Variants in LAMA2 observed in about 807,000 individuals in gnomAD.
LAMA2 encodes laminin subunit alpha 2, also known as laminin subunit alpha-2.
In LAMA2, 269 loss-of-function variants were observed where a neutral mutation model predicts 364.8. The observed-to-expected ratio is 0.74, with a 90% confidence interval of 0.67 to 0.82. The LOEUF is 0.82. Among genes scored for constraint, LAMA2 ranks in the 40% least tolerant of loss-of-function variants. The probability of loss-of-function intolerance (pLI) is 0.00; values close to 1 mark genes in which losing one functional copy is unlikely to be tolerated. For missense variants in LAMA2, 3,807 were observed against 3,873.2 expected (o/e 0.98, Z 0.45); for synonymous variants, 1,379 against 1,370.6 (o/e 1.01, Z -0.14).
chr6:129,344,172 G>A (rs966245471), intron 30 of LAMA2, among the ~76,000 whole-genome samples: 9 of 152,140 alleles, frequency 5.9e-5, no homozygotes, highest in African/African-American at 2.2e-4. Context: ...TCATAGAATT[G>A]AGTATAATGA....
chr6:129,304,125 A>T (rs189999511), intron 22 of LAMA2, among the ~76,000 whole-genome samples: 1 of 152,334 alleles, frequency 6.6e-6, no homozygotes, highest in Non-Finnish European at 1.5e-5. Flanking sequence ...ATCACTATAG[A>T]TCCTATAGAC....
chr6:129,399,612 T>C (rs7356972), intron 37 of LAMA2, among the ~76,000 whole-genome samples: 16,341 of 152,124 alleles, frequency 0.11, 1,320 homozygotes, highest in African/African-American at 0.22. Flanking sequence ...TAGAGAATGA[T>C]TGAGACAAGG....
intron 61 of LAMA2, among the ~76,000 whole-genome samples, chr6:129,506,970 A>C (rs1583926681): frequency 6.6e-6 from 1 of 152,132 alleles, no homozygotes; most frequent in Non-Finnish European, 1.5e-5. Context: ...CCAATGTTTC[A>C]TGCAAACTTT....
In LAMA2 at chr6:129,366,369, G is replaced by A. The variant is rs1777777594; in HGVS notation, c.4860+8G>A. The A allele has an allele frequency of 6.2e-7, 1 of 1,612,964 alleles. No individual in the cohort carries two copies. The highest frequency in any genetic ancestry group is 1.7e-5 in the Admixed American group (1 of 59,908). ...ATGACTCAGGAGCTAAAGGTAGGTTGGTGCAGTCACAAGCAAGGGCCAGGG... is the reference window on the plus strand; with the variant it reads ...ATGACTCAGGAGCTAAAGGTAGGTTAGTGCAGTCACAAGCAAGGGCCAGGG... On this transcript the variant is annotated splice_region_variant and intron_variant, in intron 33 of 64. Transcript: ENST00000421865.
chr6:128,983,371 G>A lies in LAMA2; in HGVS notation c.113-66547G>A, dbSNP rs529312554. Among the ~76,000 whole-genome samples, 177 of 152,266 alleles carry A rather than the reference G, an allele frequency of 1.2e-3. 1 individual carries two copies. The highest frequency in any genetic ancestry group is 4.0e-3 in the African/African-American group (168 of 41,532). On this transcript the variant is annotated intron_variant, in intron 1 of 64. Transcript: ENST00000421865. ...CATTTCTCTGATGGCCAGTGATGGT[G>A]AGCATTTTTTCATGTGTTTTTTGGC...
chr6:129,201,438 C>T (rs1411475563), intron 12 of LAMA2, among the ~76,000 whole-genome samples: 1 of 152,094 alleles, frequency 6.6e-6, no homozygotes, highest in Admixed American at 6.5e-5. Context: ...CTACCTAAGG[C>T]TAATGAAAGA....
At chr6:129,472,499 A>G (rs981362217) in intron 51 of LAMA2, among the ~76,000 whole-genome samples, 1 of 151,978 alleles carries the variant, frequency 6.6e-6, no homozygotes, top group Non-Finnish European at 1.5e-5. Context: ...TCTGCTTTCT[A>G]AACAATGCAG....
chr6:129,514,859 T>A (rs1036376181), intron 64 of LAMA2, among the ~76,000 whole-genome samples: 1 of 152,178 alleles, frequency 6.6e-6, no homozygotes, highest in Non-Finnish European at 1.5e-5. Flanking sequence ...GGAAATGAAT[T>A]TGGCTTATAA....
intron 1 of LAMA2, among the ~76,000 whole-genome samples, chr6:128,959,611 ACT>A (rs1781357104): frequency 6.6e-6 from 1 of 151,966 alleles, no homozygotes; most frequent in Non-Finnish European, 1.5e-5. Flanking sequence ...CTTCTGGCTA[ACT>A]CTCTTTTCTT....
intron 1 of LAMA2, among the ~76,000 whole-genome samples, chr6:128,976,651 A>C (rs1028376074): frequency 3.9e-5 from 6 of 152,230 alleles, no homozygotes; most frequent in Non-Finnish European, 7.3e-5. Flanking sequence ...GTGGTATGTC[A>C]CTAATGAAAG....
In LAMA2 at chr6:129,252,148, C is replaced by G. The variant is rs1786302428; in HGVS notation, c.1949C>G (p.Thr650Ser). The G allele has an allele frequency of 6.2e-7, 1 of 1,612,864 alleles. No individual in the cohort carries two copies. Among genetic ancestry groups the G allele is most frequent in the South Asian group, 1.1e-5 (1 of 91,060 alleles). Reference sequence around the variant, plus strand: ...TACCTGCACCCATCTGAAGAACATACTAATGTATTGTTACTTAAAGAAGAA... The same window carrying G: ...TACCTGCACCCATCTGAAGAACATAGTAATGTATTGTTACTTAAAGAAGAA... ...EVYLHPSEEH[T>S]NVLLLKEESF... The change falls in exon 14 of 65, where the codon ACT becomes AGT. Residue 650 changes from threonine (T) to serine (S), a missense_variant. Coordinates refer to ENST00000421865, the MANE Select transcript of LAMA2 (RefSeq NM_000426.4).
intron 1 of LAMA2, among the ~76,000 whole-genome samples, chr6:128,921,760 G>T (rs558004028): frequency 2.0e-5 from 3 of 148,930 alleles, no homozygotes; most frequent in African/African-American, 7.5e-5. Context: ...ACAATGTGCC[G>T]ATTAGTTACA....
intron 12 of LAMA2, among the ~76,000 whole-genome samples, chr6:129,234,243 T>A (rs1784848741): frequency 6.6e-6 from 1 of 152,184 alleles, no homozygotes; most frequent in Non-Finnish European, 1.5e-5. Flanking sequence ...GTATTTGTAA[T>A]TAGAAAAGCC....
At position 129,046,690 on chromosome 6, in the gene LAMA2, C is replaced by G. The variant is rs79557204; in HGVS notation, c.113-3228C>G. ...ATCTATAGCCACATCTATATCCAGA[C>G]AATTACATAATCTTATATGTTGAAA... On this transcript the variant is annotated intron_variant, in intron 1 of 64. Transcript: ENST00000421865. Among the ~76,000 whole-genome samples the G allele has an allele frequency of 9.3e-3, 1,422 of 152,254 alleles. 28 individuals are homozygous for G. Among genetic ancestry groups the G allele is most frequent in the African/African-American group, 0.033 (1,363 of 41,548 alleles).
chr6:129,013,449 AT>A (rs1047155963), intron 1 of LAMA2, among the ~76,000 whole-genome samples: 2 of 151,716 alleles, frequency 1.3e-5, no homozygotes, highest in South Asian at 2.1e-4. Context: ...AAAAAAAAAA[AT>A]TTTTTTTGAA....
At chr6:128,900,692 A>G (rs1341451161) in intron 1 of LAMA2, among the ~76,000 whole-genome samples, 2 of 152,236 alleles carry the variant, frequency 1.3e-5, no homozygotes, top group Non-Finnish European at 2.9e-5. Flanking sequence ...GGAGTTTAAC[A>G]GCTATTTAAA....
intron 4 of LAMA2, among the ~76,000 whole-genome samples, chr6:129,114,818 C>A (rs1330360462): frequency 6.6e-6 from 1 of 151,888 alleles, no homozygotes; most frequent in Non-Finnish European, 1.5e-5. Context: ...ATGCAGTCAG[C>A]CAAATCAGAC....
chr6:129,466,155 G>A (rs1344146618), intron 51 of LAMA2, among the ~76,000 whole-genome samples: 1 of 151,898 alleles, frequency 6.6e-6, no homozygotes, highest in Non-Finnish European at 1.5e-5. Context: ...TAAGTACCAT[G>A]TAAGAACTAA....
chr6:129,371,533 A>C (rs1343335584), intron 34 of LAMA2, among the ~76,000 whole-genome samples: 1 of 152,102 alleles, frequency 6.6e-6, no homozygotes, highest in Non-Finnish European at 1.5e-5. Flanking sequence ...AAGTGTGAGC[A>C]AAACTGCGCA....
Sources: allele counts gnomAD v4.1 joint callset (sites outside exome capture counted in the v4.1 genomes callset), GRCh38; gene constraint gnomAD v4.1.1; transcripts MANE v1.5; gene names NCBI Gene and HGNC (gene_info 2026-07-23, HGNC 2026-07-21).